PDK1: variants seen among roughly 807,000 people sequenced by gnomAD.
PDK1 encodes the protein pyruvate dehydrogenase kinase 1.
In PDK1, 39 loss-of-function variants were observed where a neutral mutation model predicts 54.2. The observed-to-expected ratio is 0.72, with a 90% CI of 0.56 to 0.94. The LOEUF is 0.94. Ranked by LOEUF, PDK1 falls within the 40% of genes least tolerant of loss-of-function variation. The pLI is 0.00. For synonymous variants in PDK1, 221 were observed against 207.1 expected (o/e 1.07, Z -0.58); for missense variants, 552 against 566.0 (o/e 0.98, Z 0.25).
chr2:172,671,608 G>C, the PDK1 span, among the ~76,000 whole-genome samples: 2 of 149,490 alleles, frequency 1.3e-5, no homozygotes, highest in Non-Finnish European at 3.0e-5. Flanking sequence ...GTAAATTACT[G>C]TCTAAATGAT....
At chr2:172,562,960 A>G (rs1323795790) in intron 3 of PDK1, among the ~76,000 whole-genome samples, 1 of 152,252 alleles carries the variant, frequency 6.6e-6, no homozygotes, top group African/African-American at 2.4e-5. Context: ...CTGTCTTTAA[A>G]GTGAACAGTA....
At chr2:172,611,119 A>T (rs1291211819), downstream of PDK1, among the ~76,000 whole-genome samples, 2 of 152,176 alleles carry the variant, frequency 1.3e-5, no homozygotes, top group Non-Finnish European at 2.9e-5. Context: ...AGGGCTTCAG[A>T]AGGGAAAAAA....
At chr2:172,617,096 T>A in the PDK1 span, among the ~76,000 whole-genome samples, 1 of 152,070 alleles carries the variant, frequency 6.6e-6, no homozygotes, top group Admixed American at 6.6e-5. Context: ...ATTACAGGCA[T>A]CTGCCACCAC....
the PDK1 span, among the ~76,000 whole-genome samples, chr2:172,689,520 A>G: frequency 6.6e-6 from 1 of 152,226 alleles, no homozygotes; most frequent in Non-Finnish European, 1.5e-5. Context: ...ATATGGAAAC[A>G]AAAAAGACCT....
the PDK1 span, among the ~76,000 whole-genome samples, chr2:172,713,681 C>T: frequency 4.7e-4 from 72 of 152,368 alleles, no homozygotes; most frequent in African/African-American, 1.6e-3. Context: ...GCAGGCACTT[C>T]TGTGCCTGTG....
At chr2:172,661,531 T>C in the PDK1 span, among the ~76,000 whole-genome samples, 1 of 152,202 alleles carries the variant, frequency 6.6e-6, no homozygotes, top group African/African-American at 2.4e-5. Context: ...AGTTTTTACA[T>C]CATAGAATTA....
rs751669724 is a variant in PDK1 at position 172,566,814 on chromosome 2, T to C, written c.692-42T>C. ...CATCTTAATGCGTGAAAGAGAAGTATATTTATTAAATCCTTTTTTGTTTTG... is the reference window on the plus strand; with the variant it reads ...CATCTTAATGCGTGAAAGAGAAGTACATTTATTAAATCCTTTTTTGTTTTG... On this transcript the variant is annotated intron_variant, in intron 5 of 10. Transcript: ENST00000282077. 7 of 1,295,518 alleles carry C rather than the reference T, an allele frequency of 5.4e-6. No individual in the cohort carries two copies. In the African/African-American group the frequency reaches 8.8e-5, roughly 16 times the overall value. The allele number at this position is 1,295,518 out of a possible 1,614,324, so 80.3% of individuals were successfully genotyped here. A position where few individuals can be genotyped will look rare whatever the true frequency, so the allele number is the denominator to read the frequency against.
At chr2:172,590,942 C>G (rs543268828) in intron 9 of PDK1, among the ~76,000 whole-genome samples, 50 of 152,250 alleles carry the variant, frequency 3.3e-4, no homozygotes, top group African/African-American at 1.0e-3. Flanking sequence ...AACAGTATAC[C>G]CCAACTGTTG....
At chr2:172,636,053 A>T in the PDK1 span, among the ~76,000 whole-genome samples, 11 of 152,182 alleles carry the variant, frequency 7.2e-5, no homozygotes, top group African/African-American at 2.2e-4. Context: ...CTCTTGGGAA[A>T]TGTAAGAAAT....
rs912759779 is a variant in PDK1, at chr2:172,589,372, G to A, written c.1056+2984G>A. ...GCAGCAGCAAAGCTATCACCACCTTGGATCATGAGGGATGAGGAGAAGGCA... is the reference window on the plus strand; with the variant it reads ...GCAGCAGCAAAGCTATCACCACCTTAGATCATGAGGGATGAGGAGAAGGCA... On this transcript the variant is annotated intron_variant, in intron 9 of 10. Coordinates refer to ENST00000282077, the MANE Select transcript of PDK1 (RefSeq NM_002610.5). 9.8e-5 allele frequency among the ~76,000 whole-genome samples: 15 copies of A among 152,332 alleles called. 1 individual carries two copies. Among genetic ancestry groups the A allele is most frequent in the African/African-American group, 3.6e-4 (15 of 41,572 alleles).
intron 3 of PDK1, among the ~76,000 whole-genome samples, chr2:172,563,777 T>C (rs1688782629): frequency 6.6e-6 from 1 of 151,680 alleles, no homozygotes; most frequent in South Asian, 2.1e-4. Flanking sequence ...GAGGTTGCAG[T>C]GAGCCGAGAT....
At chr2:172,560,880 C>T (rs1406148181) in intron 2 of PDK1, among the ~76,000 whole-genome samples, 1 of 152,128 alleles carries the variant, frequency 6.6e-6, no homozygotes, top group African/African-American at 2.4e-5. Flanking sequence ...ATGAGTTGCC[C>T]AGAGTTAAGT....
intron 8 of PDK1, among the ~76,000 whole-genome samples, chr2:172,571,745 G>A (rs1006567886): frequency 1.3e-5 from 2 of 150,850 alleles, no homozygotes; most frequent in South Asian, 4.2e-4. Context: ...AATAAATGCA[G>A]AGACTATAAA....
the PDK1 span, among the ~76,000 whole-genome samples, chr2:172,640,701 G>A: frequency 6.6e-6 from 1 of 152,196 alleles, no homozygotes; most frequent in Non-Finnish European, 1.5e-5. Context: ...ACCTGCTTTT[G>A]TTAGAGGTGA....
chr2:172,632,980 C>CAAAAAAAGAAA, the PDK1 span, among the ~76,000 whole-genome samples: 2 of 75,468 alleles, frequency 2.7e-5, no homozygotes, highest in Admixed American at 1.8e-4. Context: ...GATTCTGTCT[C>CAAAAAAAGAAA]AAAAAAAAAA....
At chr2:172,562,370 A>G (rs938900930) in intron 3 of PDK1, 79 bp downstream of exon 3, 31 of 867,462 alleles carry the variant, frequency 3.6e-5, no homozygotes, top group South Asian at 1.4e-4. Context: ...TTAGGTTTCT[A>G]CTACTTTAGA....
chr2:172,702,147 GT>G, the PDK1 span, among the ~76,000 whole-genome samples: 11 of 152,158 alleles, frequency 7.2e-5, no homozygotes, highest in African/African-American at 2.7e-4. Context: ...ATTCACCTCT[GT>G]TCCTAGGGTG....
chr2:172,578,737 ATTT>A (rs397873817), intron 8 of PDK1, among the ~76,000 whole-genome samples: 1 of 141,170 alleles, frequency 7.1e-6, no homozygotes. Flanking sequence ...TTGTTTTGTA[ATTT>A]TTTTTTTTTT....
At chr2:172,671,916 T>C in the PDK1 span, among the ~76,000 whole-genome samples, 1 of 152,174 alleles carries the variant, frequency 6.6e-6, no homozygotes, top group Admixed American at 6.5e-5. Flanking sequence ...TGGAGAAAGA[T>C]GAATTCTCAA....
Sources: gnomAD v4.1 joint callset for allele counts (sites outside exome capture counted in the v4.1 genomes callset) on GRCh38, gnomAD v4.1.1 for gene constraint, MANE v1.5 for transcripts, NCBI Gene and HGNC (gene_info 2026-07-23, HGNC 2026-07-21) for gene names.